The following MYH6 variants were observed in gnomAD, a reference collection of about 807,000 sequenced individuals.
The protein encoded by MYH6 is myosin heavy chain 6, also known as myosin-6.
A neutral mutation model predicts 223.2 loss-of-function variants in MYH6; 126 were observed. The ratio of observed to expected loss-of-function variants is 0.56; its 90% CI spans 0.49 to 0.65. The LOEUF (loss-of-function observed/expected upper bound fraction) is 0.65, where lower values mean the gene tolerates loss of function less well. Among genes scored for constraint, MYH6 ranks in the 30% least tolerant of loss-of-function variants. The pLI is 0.00. For synonymous variants in MYH6, 978 were observed against 1,010.2 expected (o/e 0.97, Z 0.61); for missense variants, 2,040 against 2,536.4 (o/e 0.80, Z 4.20).
In MYH6 at chr14:23,401,352, C is replaced by A. The variant is rs12587914; in HGVS notation, c.1142-375G>T. On this transcript the variant is annotated intron_variant, in intron 12 of 38. Transcript: ENST00000405093. ...GTGAGCCTCCTTCCCTGTCCTGGGG[C>A]CAAGACTTTAGGAAGCATCAGGTCC... 1.7e-3 allele frequency among the ~76,000 whole-genome samples: 264 copies of A among 152,324 alleles called. 8 individuals carry two copies. In the East Asian group the frequency reaches 0.045, roughly 26 times the overall value.
Position 23,384,639 on chromosome 14 carries a change from G to T in MYH6, c.5368C>A (p.Gln1790Lys), listed in dbSNP as rs777333999. ...HLERMKKNME[Q>K]TIKDLQHRLD... is the part of the protein sequence containing the mutation. ...CGGTGCTGCAGGTCCTTAATGGTCT[G>T]CTCCATGTTCTTCTTCATGCGCTCC... Residue 1790 changes from glutamine to lysine, a missense_variant, in exon 36 of 39, where the codon CAG becomes AAG. Gln to Lys is a moderately conservative substitution (Grantham distance 53). Transcript: ENST00000405093. The T allele has an allele frequency of 6.2e-7, 1 of 1,614,132 alleles. No individual in the cohort carries two copies. The highest frequency in any genetic ancestry group is 1.7e-5 in the Admixed American group (1 of 60,030).
intron 25 of MYH6, 71 bp from the exon 26 acceptor site, chr14:23,390,517 G>T: frequency 6.4e-7 from 1 of 1,571,566 alleles, no homozygotes. Flanking sequence ...GCTCTGAAAA[G>T]CTACCAGGAA....
At position 23,393,234 on chromosome 14, in the gene MYH6, A is replaced by C. The variant is rs1891291216; in HGVS notation, c.3105+108T>G. 6.6e-6 allele frequency: 10 copies of C among 1,518,990 alleles called. No homozygotes were observed. In the East Asian group the frequency reaches 2.3e-4, roughly 34 times the overall value. 94.1% of individuals were successfully genotyped at this position (1,518,990 alleles called of 1,614,324 possible). A position where few individuals can be genotyped will look rare whatever the true frequency, so the allele number is the denominator to read the frequency against. ...AGTGAGGAACTACAGAGAGCAAAAAAGCTTCAGGGGCCATAGAAGTTAATT... is the reference window on the plus strand; with the variant it reads ...AGTGAGGAACTACAGAGAGCAAAAACGCTTCAGGGGCCATAGAAGTTAATT... On this transcript the variant is annotated intron_variant, in intron 23 of 38. Transcript: ENST00000405093.
intron 32 of MYH6, among the ~76,000 whole-genome samples, chr14:23,386,857 C>T (rs1027720754): frequency 6.6e-6 from 1 of 152,146 alleles, no homozygotes; most frequent in East Asian, 1.9e-4. Flanking sequence ...TTGCCAGACC[C>T]TCCAGCACTA....
chr14:23,398,635 C>T lies in MYH6; in HGVS notation c.1891+93G>A, dbSNP rs923991183. The T allele has an allele frequency of 3.4e-6, 5 of 1,466,730 alleles. No individual in the cohort carries two copies. The African/African-American group carries it at 6.9e-5, about 20-fold the overall frequency. 90.9% of individuals were successfully genotyped at this position (1,466,730 alleles called of 1,614,324 possible). ...GCTTGACTCATGGGCTCCCCTGTGCCTGCCTATGGAGTCATGTGCTTTGAA... is the reference window on the plus strand; with the variant it reads ...GCTTGACTCATGGGCTCCCCTGTGCTTGCCTATGGAGTCATGTGCTTTGAA... On this transcript the variant is annotated intron_variant, in intron 15 of 38. Transcript: ENST00000405093.
At position 23,382,074 on chromosome 14, in the gene MYH6, A is replaced by T. The variant is rs1412109183; in HGVS notation, c.5797-11T>A. On this transcript the variant is annotated splice_polypyrimidine_tract_variant and intron_variant, in intron 38 of 38. Coordinates refer to ENST00000405093, the MANE Select transcript of MYH6 (RefSeq NM_002471.4). ...ATCGTGCATTTTTTGCTGCAAAAAG[A>T]ATAAGAGGTGTGAGGGGGCAGCTGG... The T allele has an allele frequency of 1.2e-6, 2 of 1,613,738 alleles. No homozygotes were observed. The highest frequency in any genetic ancestry group is 1.7e-6 in the Non-Finnish European group (2 of 1,179,776).
Position 23,383,339 on chromosome 14 carries a change from G to GGGGGGGGGGCCCCC in MYH6, c.5566-20_5566-19insGGGGGCCCCCCCCC. The GGGGGGGGGGCCCCC allele has an allele frequency of 9.2e-6, 1 of 108,196 alleles. No homozygotes were observed. Among genetic ancestry groups the GGGGGGGGGGCCCCC allele is most frequent in the Non-Finnish European group, 1.8e-5 (1 of 54,378 alleles). 6.7% of individuals were successfully genotyped at this position (108,196 alleles called of 1,614,324 possible). On this transcript the variant is annotated intron_variant, in intron 36 of 38. Transcript: ENST00000405093. ...CCTCTGTCTGGGGGTGGGAGGGTGG[G>GGGGGGGGGGCCCCC]AGAAGCTGGTTTGGAGGGGGAGCAA...
In MYH6 at chr14:23,396,837, G is replaced by A. The variant is rs1365721397; in HGVS notation, c.2169-20C>T. On this transcript the variant is annotated intron_variant, in intron 18 of 38. Transcript: ENST00000405093. ...CGATACCTGAGGAGGGAAGTGTCCA[G>A]AGTCACCCATGCTCTGCAGTGATCT... is the stretch of plus-strand genomic sequence containing the variant. 6.2e-7 allele frequency: 1 copy of A among 1,613,890 alleles called. No homozygotes were observed. The highest frequency in any genetic ancestry group is 2.2e-5 in the East Asian group (1 of 44,880).
intron 37 of MYH6, 70 bp downstream of exon 37, chr14:23,383,155 A>C: frequency 7.6e-5 from 101 of 1,323,330 alleles, no homozygotes; most frequent in Non-Finnish European, 1.0e-4. Flanking sequence ...GCCCCTCTGT[A>C]GGAGATATTC....
intron 8 of MYH6, among the ~76,000 whole-genome samples, chr14:23,404,047 T>C (rs1207402529): frequency 6.6e-6 from 1 of 152,150 alleles, no homozygotes; most frequent in African/African-American, 2.4e-5. Context: ...CTCCCAGTAA[T>C]CTGCAGGGTG....
chr14:23,396,855 A>G, intron 18 of MYH6, 38 bp from the exon 19 acceptor site: 2 of 1,613,504 alleles, frequency 1.2e-6, no homozygotes, highest in Non-Finnish European at 1.7e-6. Flanking sequence ...CATGCTCTGC[A>G]GTGATCTGCT....
rs138419275 is a variant in MYH6, at chr14:23,394,289, C to T, written c.2464G>A (p.Ala822Thr). Reference sequence around the variant, plus strand: ...GGCCAATTCTTGACCCCCATGAAGGCCCGAATGTTCCACTGGATTACCAGC... The same window carrying T: ...GGCCAATTCTTGACCCCCATGAAGGTCCGAATGTTCCACTGGATTACCAGC... ...ALLVIQWNIR[A>T]FMGVKNWPWM... The change falls in exon 21 of 39, where the codon GCC becomes ACC. Residue 822 changes from alanine (A) to threonine (T), a missense_variant. Physicochemically the swap from Ala to Thr is moderately conservative, Grantham distance 58. Transcript: ENST00000405093. 1.4e-4 allele frequency: 226 copies of T among 1,614,196 alleles called. 1 individual carries two copies. In the East Asian group the frequency reaches 4.9e-3, roughly 35 times the overall value.
intron 14 of MYH6, chr14:23,399,963 G>A: frequency 2.1e-6 from 1 of 469,590 alleles, no homozygotes; most frequent in Non-Finnish European, 3.9e-6. Flanking sequence ...ATCTTTCCAT[G>A]AATGACGCTT....
At chr14:23,382,195 G>T (rs1890882374) in intron 38 of MYH6, 132 bp from the exon 39 acceptor site, 2 of 1,137,448 alleles carry the variant, frequency 1.8e-6, no homozygotes, top group Non-Finnish European at 2.7e-6. Context: ...GGGATCCTGT[G>T]GTCCCACGTT....
At chr14:23,402,628 G>A (rs769965162) in intron 11 of MYH6, 26 bp from the exon 12 acceptor site, 2 of 1,613,820 alleles carry the variant, frequency 1.2e-6, no homozygotes, top group Admixed American at 1.7e-5. Context: ...AGACAAAGAG[G>A]GGGGTTGGAG....
At chr14:23,396,181 C>CCAGCTGGT in intron 20 of MYH6, 103 bp downstream of exon 20, 2 of 1,488,256 alleles carry the variant, frequency 1.3e-6, no homozygotes, top group Non-Finnish European at 1.9e-6. Context: ...CTTGCCCAGG[C>CCAGCTGGT]CAGCTGGTAG....
chr14:23,383,339 G>GGGCCCCCCCCCCCCCC lies in MYH6; in HGVS notation c.5566-20_5566-19insGGGGGGGGGGGGGGCC. 9.2e-6 allele frequency: 1 copy of GGGCCCCCCCCCCCCCC among 108,202 alleles called. No individual in the cohort carries two copies. The allele number at this position is 108,202 out of a possible 1,614,324, so 6.7% of individuals were successfully genotyped here. On this transcript the variant is annotated intron_variant, in intron 36 of 38. Coordinates refer to ENST00000405093, the MANE Select transcript of MYH6 (RefSeq NM_002471.4). Reference sequence around the variant, plus strand: ...CCTCTGTCTGGGGGTGGGAGGGTGGGAGAAGCTGGTTTGGAGGGGGAGCAA... The same window carrying GGGCCCCCCCCCCCCCC: ...CCTCTGTCTGGGGGTGGGAGGGTGGGGGCCCCCCCCCCCCCCAGAAGCTGGTTTGGAGGGGGAGCAA...
intron 9 of MYH6, 91 bp from the exon 10 acceptor site, chr14:23,403,537 C>T (rs1171419417): frequency 1.6e-6 from 2 of 1,239,930 alleles, no homozygotes; most frequent in Non-Finnish European, 1.2e-6. Context: ...GCAGGGGGCA[C>T]CCACAGCTTG....
Position 23,400,337 on chromosome 14 carries a change from C to G in MYH6, c.1500G>C (p.Glu500Asp), listed in dbSNP as rs372073959. The G allele has an allele frequency of 5.0e-6, 8 of 1,614,092 alleles. No homozygotes were observed. The highest frequency in any genetic ancestry group is 2.5e-6 in the Non-Finnish European group (3 of 1,180,050). ...ACTCAATGCCCTCCTTCTTGTACTC[C>G]TCCTGCTCCAGCACGAACATGTGGT... ...FNHHMFVLEQ[E>D]EYKKEGIEWT... The change falls in exon 14 of 39, where the codon GAG becomes GAC. Residue 500 changes from glutamate to aspartate, a missense_variant. This residue lies in a region of MYH6 where 649 missense variants were observed against 877.3 expected (regional missense o/e 0.74). Coordinates refer to ENST00000405093, the MANE Select transcript of MYH6 (RefSeq NM_002471.4).
Sources: allele counts gnomAD v4.1 joint callset (sites outside exome capture counted in the v4.1 genomes callset), GRCh38; gene constraint gnomAD v4.1.1; regional missense constraint gnomAD v4.1.1; transcripts MANE v1.5; gene names NCBI Gene and HGNC (gene_info 2026-07-23, HGNC 2026-07-21).